The following HMGCLL1 variants were observed in gnomAD, a reference collection of about 807,000 sequenced individuals.
HMGCLL1 encodes 3-hydroxymethyl-3-methylglutaryl-CoA lyase, cytoplasmic.
A neutral mutation model predicts 39.1 loss-of-function variants in HMGCLL1; 36 were observed. The ratio of observed to expected loss-of-function variants is 0.92; its 90% CI spans 0.71 to 1.22. The LOEUF (loss-of-function observed/expected upper bound fraction) is 1.22, where lower values mean the gene tolerates loss of function less well. Ranked by LOEUF, HMGCLL1 falls within the 50% of genes most tolerant of loss-of-function variation. The probability of loss-of-function intolerance (pLI) is 0.00; values close to 1 mark genes in which losing one functional copy is unlikely to be tolerated. For synonymous variants in HMGCLL1, 149 were observed against 144.0 expected, an observed-to-expected ratio of 1.03 and a Z score of -0.25; for missense variants, 451 against 416.5, an observed-to-expected ratio of 1.08 and a Z score of -0.72.
chr6:55,492,683 C>T (rs7740124), intron 7 of HMGCLL1, among the ~76,000 whole-genome samples: 80,382 of 152,100 alleles, frequency 0.53, 21,497 homozygotes, highest in African/African-American at 0.63. Flanking sequence ...GTAGCTTCTC[C>T]GGCCTCATAT....
rs1426362781 is a variant in HMGCLL1, at chr6:55,543,262, ATAATATATCTATAT to A, written c.109-1136_109-1123del. ...ATAATATAGATATATAATATATAAT[ATAATATATCTATAT>A]TATATATAATATATTATATATCATA... On this transcript the variant is annotated intron_variant, in intron 1 of 8. Coordinates refer to ENST00000274901, the MANE Select transcript of HMGCLL1 (RefSeq NM_001042406.2). Among the ~76,000 whole-genome samples, 30 of 18,898 alleles carry A rather than the reference ATAATATATCTATAT, an allele frequency of 1.6e-3. 1 individual carries two copies. Among genetic ancestry groups the A allele is most frequent in the African/African-American group, 4.7e-3 (29 of 6,164 alleles). The allele number at this position is 18,898 out of a possible 152,430, so 12.4% of individuals were successfully genotyped here.
chr6:55,544,868 C>A (rs1458373732), intron 1 of HMGCLL1, among the ~76,000 whole-genome samples: 3 of 152,064 alleles, frequency 2.0e-5, no homozygotes, highest in African/African-American at 7.2e-5. Context: ...TGAAGTTAAC[C>A]TGAGAGAGTG....
At chr6:55,628,678 C>G in the HMGCLL1 span, among the ~76,000 whole-genome samples, 3 of 152,026 alleles carry the variant, frequency 2.0e-5, no homozygotes, top group Non-Finnish European at 4.4e-5. Flanking sequence ...CCACCCAAAT[C>G]TCATCTTGAA....
upstream of HMGCLL1, among the ~76,000 whole-genome samples, chr6:55,581,315 T>C (rs1220961870): frequency 6.6e-6 from 1 of 152,128 alleles, no homozygotes; most frequent in East Asian, 1.9e-4. Flanking sequence ...AATATAAAAG[T>C]ATTTGTTTTT....
At chr6:55,604,893 T>C in the HMGCLL1 span, among the ~76,000 whole-genome samples, 3 of 150,124 alleles carry the variant, frequency 2.0e-5, no homozygotes, top group South Asian at 6.3e-4. Flanking sequence ...CACTATCCTA[T>C]GTATAAGTGA....
chr6:55,541,490 CG>C (rs1462501180), intron 3 of HMGCLL1, among the ~76,000 whole-genome samples: 1 of 152,124 alleles, frequency 6.6e-6, no homozygotes, highest in Admixed American at 6.6e-5. Flanking sequence ...TGCTATTCAA[CG>C]GCCTTGTCCC....
the HMGCLL1 span, among the ~76,000 whole-genome samples, chr6:55,661,492 T>C: frequency 6.6e-6 from 1 of 152,062 alleles, no homozygotes; most frequent in East Asian, 1.9e-4. Flanking sequence ...TGCTTGTTTC[T>C]GTCAGCTTTG....
the HMGCLL1 span, among the ~76,000 whole-genome samples, chr6:55,630,548 G>T: frequency 1.3e-5 from 2 of 152,054 alleles, no homozygotes; most frequent in Admixed American, 6.6e-5. Flanking sequence ...GAGGACATGA[G>T]ATTTGGGAGG....
chr6:55,605,399 AT>A, the HMGCLL1 span, among the ~76,000 whole-genome samples: 1 of 146,676 alleles, frequency 6.8e-6, no homozygotes, highest in Admixed American at 6.7e-5. Context: ...TGTTTCCCAG[AT>A]AACTCAACCT....
chr6:55,578,953 C>T lies in HMGCLL1; in HGVS notation c.103G>A (p.Ala35Thr), dbSNP rs1358450387. ...GDSVAGALDP[A>T]QETSQLSGLP... is the part of the protein sequence containing the mutation. Reference sequence around the variant, plus strand: ...CCTGGGCCGCGAGGTGGTACCTGCGCGGGGTCGAGCGCCCCTGCCACTGAA... The same window carrying T: ...CCTGGGCCGCGAGGTGGTACCTGCGTGGGGTCGAGCGCCCCTGCCACTGAA... The change falls in exon 1 of 9, where the codon GCG becomes ACG. Residue 35 changes from alanine to threonine, a missense_variant. Physicochemically the swap from Ala to Thr is moderately conservative, Grantham distance 58. Transcript: ENST00000274901. 6 of 1,609,912 alleles carry T rather than the reference C, an allele frequency of 3.7e-6. No homozygotes were observed. Among genetic ancestry groups the T allele is most frequent in the Non-Finnish European group, 5.1e-6 (6 of 1,178,182 alleles).
intron 5 of HMGCLL1, among the ~76,000 whole-genome samples, chr6:55,500,013 C>A (rs1188823885): frequency 3.3e-5 from 5 of 152,052 alleles, no homozygotes; most frequent in African/African-American, 7.2e-5. Flanking sequence ...CTATTTCCAG[C>A]TCAACATCAA....
At chr6:55,443,892 G>T (rs958847712) in intron 7 of HMGCLL1, among the ~76,000 whole-genome samples, 1 of 151,800 alleles carries the variant, frequency 6.6e-6, no homozygotes, top group East Asian at 1.9e-4. Flanking sequence ...AGGCTCAAAA[G>T]AAGACATACG....
intron 7 of HMGCLL1, among the ~76,000 whole-genome samples, chr6:55,447,242 G>T (rs985997263): frequency 2.0e-5 from 3 of 151,884 alleles, no homozygotes; most frequent in African/African-American, 7.3e-5. Context: ...AACCCTACTT[G>T]CCATTGATGT....
chr6:55,641,914 AT>A, the HMGCLL1 span, among the ~76,000 whole-genome samples: 3 of 60,550 alleles, frequency 5.0e-5, no homozygotes, highest in South Asian at 8.0e-4. Context: ...TTATTTATTT[AT>A]TTTTTATTAT....
intron 5 of HMGCLL1, among the ~76,000 whole-genome samples, chr6:55,504,034 C>A (rs1767030579): frequency 1.3e-5 from 2 of 151,702 alleles, no homozygotes; most frequent in South Asian, 4.1e-4. Flanking sequence ...TCCACTTTGA[C>A]AATCTTTAAT....
chr6:55,612,303 A>G, the HMGCLL1 span, among the ~76,000 whole-genome samples: 1 of 152,082 alleles, frequency 6.6e-6, no homozygotes, highest in Non-Finnish European at 1.5e-5. Context: ...AGAGAGGACA[A>G]AAACAAATGG....
chr6:55,564,285 G>A (rs1405706839), intron 1 of HMGCLL1, among the ~76,000 whole-genome samples: 5 of 151,968 alleles, frequency 3.3e-5, no homozygotes, highest in South Asian at 2.1e-4. Flanking sequence ...TTGTGAAAAC[G>A]ATGGAAAATT....
rs1361406769 is a variant in HMGCLL1, at chr6:55,556,284, AAGAAATAGGTTGC to A, written c.109-14157_109-14145del. On this transcript the variant is annotated intron_variant, in intron 1 of 8. Coordinates refer to ENST00000274901, the MANE Select transcript of HMGCLL1 (RefSeq NM_001042406.2). ...TAAAGAGGAGAGGAACTAAGGGAAT[AAGAAATAGGTTGC>A]CATTTTATGTAAGAATTGTGTTTTG... Among the ~76,000 whole-genome samples, 11 of 152,322 alleles carry A rather than the reference AAGAAATAGGTTGC, an allele frequency of 7.2e-5. No homozygotes were observed. In the East Asian group the frequency reaches 2.1e-3, roughly 29 times the overall value.
At chr6:55,475,960 A>T (rs957550892) in intron 7 of HMGCLL1, among the ~76,000 whole-genome samples, 3 of 151,522 alleles carry the variant, frequency 2.0e-5, no homozygotes, top group African/African-American at 7.3e-5. Context: ...CCATTCTTGT[A>T]TTGCTATCAC....
Sources: allele counts gnomAD v4.1 joint callset (sites outside exome capture counted in the v4.1 genomes callset), GRCh38; gene constraint gnomAD v4.1.1; transcripts MANE v1.5; gene names NCBI Gene and HGNC (gene_info 2026-07-23, HGNC 2026-07-21).